Variants in CNTRL observed in about 807,000 individuals in gnomAD.
The protein encoded by CNTRL is 110 kDa centrosomal protein.
Under a neutral mutation model 303.7 loss-of-function variants are expected in CNTRL, and 233 were observed. The ratio of observed to expected loss-of-function variants is 0.77; its 90% confidence interval spans 0.69 to 0.86. CNTRL has a LOEUF of 0.86. Ranked by LOEUF, CNTRL falls within the 40% of genes least tolerant of loss-of-function variation. CNTRL has a pLI of 0.00. For missense variants in CNTRL, 2,524 were observed against 2,650.6 expected (o/e 0.95, Z 1.05); for synonymous variants, 900 against 922.2 (o/e 0.98, Z 0.44).
At chr9:121,086,812 C>T (rs2048362659) in intron 2 of CNTRL, among the ~76,000 whole-genome samples, 2 of 151,950 alleles carry the variant, frequency 1.3e-5, no homozygotes, top group Non-Finnish European at 2.9e-5. Flanking sequence ...GCCACCACAC[C>T]TAGCTAATTT....
intron 11 of CNTRL, among the ~76,000 whole-genome samples, chr9:121,116,233 C>T (rs537841097): frequency 3.9e-5 from 6 of 152,118 alleles, no homozygotes; most frequent in Non-Finnish European, 5.9e-5. Context: ...GCAGAGCTGG[C>T]GGAAAGTATT....
intron 7 of CNTRL, among the ~76,000 whole-genome samples, chr9:121,104,694 A>ATTTTTTTTTT (rs10693661): frequency 2.1e-5 from 2 of 96,460 alleles, no homozygotes; most frequent in Non-Finnish European, 3.9e-5. Context: ...GCCACTGGCA[A>ATTTTTTTTTT]TTTTTTTTTT....
intron 6 of CNTRL, among the ~76,000 whole-genome samples, chr9:121,098,155 G>A (rs904396766): frequency 1.3e-5 from 2 of 152,110 alleles, no homozygotes; most frequent in African/African-American, 4.8e-5. Flanking sequence ...ATACTTACAT[G>A]ATAAGTTGTT....
At chr9:121,161,036 C>A (rs1261472756) in intron 32 of CNTRL, among the ~76,000 whole-genome samples, 1 of 152,106 alleles carries the variant, frequency 6.6e-6, no homozygotes, top group African/African-American at 2.4e-5. Context: ...TATTTTTAAC[C>A]TTTAATGACA....
intron 31 of CNTRL, among the ~76,000 whole-genome samples, 159 bp downstream of exon 31, chr9:121,159,178 C>T (rs551600491): frequency 1.3e-5 from 2 of 152,182 alleles, no homozygotes; most frequent in Admixed American, 6.5e-5. Flanking sequence ...CATGCAGTGG[C>T]TGTCATGTGT....
chr9:121,096,646 T>A, intron 6 of CNTRL, 83 bp downstream of exon 6: 1 of 1,157,516 alleles, frequency 8.6e-7, no homozygotes. Context: ...AAAAATGGGA[T>A]TTCTTCTTTT....
chr9:121,100,851 A>G (rs551173282), intron 7 of CNTRL, among the ~76,000 whole-genome samples: 2 of 152,352 alleles, frequency 1.3e-5, no homozygotes, highest in South Asian at 4.1e-4. Context: ...ATTCAACAGG[A>G]AGAGCTAACT....
chr9:121,150,147 C>T (rs762346665), intron 24 of CNTRL, 23 bp from the exon 25 acceptor site: 1 of 1,567,330 alleles, frequency 6.4e-7, no homozygotes. Flanking sequence ...GTTGAATAAA[C>T]TCTTCTGTTT....
Position 121,138,434 on chromosome 9 carries a change from A to G in CNTRL, c.2203-111A>G, listed in dbSNP as rs2051315014. 7.0e-6 allele frequency: 8 copies of G among 1,135,098 alleles called. No individual in the cohort carries two copies. The South Asian group carries it at 1.3e-4, about 19-fold the overall frequency. 70.3% of individuals were successfully genotyped at this position (1,135,098 alleles called of 1,614,324 possible). ...GAGTACAAACATAAAATTGAGTTGT[A>G]AAACTATAGCTAGCAAGGGATTGTG... On this transcript the variant is annotated intron_variant, in intron 15 of 43. Coordinates refer to ENST00000373855, the MANE Select transcript of CNTRL (RefSeq NM_007018.6).
At chr9:121,165,766 A>AT (rs1220676384) in intron 35 of CNTRL, among the ~76,000 whole-genome samples, 4 of 152,204 alleles carry the variant, frequency 2.6e-5, no homozygotes, top group Non-Finnish European at 4.4e-5. Flanking sequence ...GCCAATATAG[A>AT]TAAAAAATTT....
chr9:121,128,457 C>A (rs1267890459), intron 14 of CNTRL, among the ~76,000 whole-genome samples: 1 of 152,168 alleles, frequency 6.6e-6, no homozygotes, highest in East Asian at 1.9e-4. Flanking sequence ...TGAGAAATGT[C>A]TATTCGTATC....
At chr9:121,136,099 G>A in intron 15 of CNTRL, 117 bp downstream of exon 15, 1 of 961,344 alleles carries the variant, frequency 1.0e-6, no homozygotes, top group South Asian at 2.0e-5. Flanking sequence ...TATATATGGA[G>A]TGATGGGAAA....
chr9:121,125,326 A>AT (rs2050455830), intron 13 of CNTRL, among the ~76,000 whole-genome samples: 1 of 151,676 alleles, frequency 6.6e-6, no homozygotes, highest in Admixed American at 6.6e-5. Flanking sequence ...TGCCCGGCTA[A>AT]TTTTTTGTAT....
intron 34 of CNTRL, among the ~76,000 whole-genome samples, chr9:121,163,675 C>A (rs1239964039): frequency 1.3e-5 from 2 of 151,916 alleles, no homozygotes; most frequent in African/African-American, 2.4e-5. Context: ...AGAAGACAAC[C>A]CAGTTATTTA....
At chr9:121,079,157 A>G (rs1360355406) in intron 1 of CNTRL, among the ~76,000 whole-genome samples, 1 of 152,220 alleles carries the variant, frequency 6.6e-6, no homozygotes, top group African/African-American at 2.4e-5. Context: ...TATGTATTTC[A>G]TAATATTAAA....
At chr9:121,103,829 C>T (rs2049311579) in intron 7 of CNTRL, among the ~76,000 whole-genome samples, 1 of 152,110 alleles carries the variant, frequency 6.6e-6, no homozygotes, top group Non-Finnish European at 1.5e-5. Context: ...CAATGAGATA[C>T]CATCTCACAC....
chr9:121,146,699 G>A (rs187727982), intron 23 of CNTRL, among the ~76,000 whole-genome samples: 247 of 152,296 alleles, frequency 1.6e-3, no homozygotes, highest in Admixed American at 3.5e-3. Flanking sequence ...GAGTTCATTG[G>A]CCATGCCAGC....
rs375933162 is a variant in CNTRL at position 121,150,375 on chromosome 9, A to C, written c.3855A>C (p.Pro1285=). The change falls in exon 25 of 44, where the codon CCA becomes CCC. Residue 1285 remains proline, a synonymous_variant. Transcript: ENST00000373855. ...PLTPGTVVYG[P]PPAGAPMVYG... ...CCCCTGGCACTGTTGTTTATGGCCC[A>C]CCTCCTGCTGGGGCCCCCATGGTGT... is the stretch of plus-strand genomic sequence containing the variant. 1.9e-6 allele frequency: 3 copies of C among 1,613,960 alleles called. No homozygotes were observed. Among genetic ancestry groups the C allele is most frequent in the Non-Finnish European group, 2.5e-6 (3 of 1,179,950 alleles).
rs762720633 is a variant in CNTRL at position 121,135,848 on chromosome 9, G to A, written c.2068G>A (p.Val690Met). ...LESALQEQHE[V>M]NASLQQTQGD... ...AAGTGCCCTCCAAGAGCAGCATGAG[G>A]TGAATGCATCTTTGCAGCAGACCCA... The change falls in exon 15 of 44, where the codon GTG becomes ATG. Residue 690 changes from valine (V) to methionine (M), a missense_variant. Val to Met is a conservative substitution (Grantham distance 21). Transcript: ENST00000373855. 3.7e-6 allele frequency: 6 copies of A among 1,613,948 alleles called. No homozygotes were observed. The highest frequency in any genetic ancestry group is 5.1e-6 in the Non-Finnish European group (6 of 1,179,924).
Sources: gnomAD v4.1 joint callset for allele counts (sites outside exome capture counted in the v4.1 genomes callset) on GRCh38, gnomAD v4.1.1 for gene constraint, MANE v1.5 for transcripts, NCBI Gene and HGNC (gene_info 2026-07-23, HGNC 2026-07-21) for gene names.